Variants in SLC7A5 observed in about 807,000 individuals in gnomAD.
The protein encoded by SLC7A5 is large neutral amino acids transporter small subunit 1.
In SLC7A5, 23 loss-of-function variants were observed where a neutral mutation model predicts 50.2. The ratio of observed to expected loss-of-function variants is 0.46; its 90% CI spans 0.33 to 0.65. SLC7A5 has a LOEUF of 0.65. SLC7A5 is among the 30% of genes least tolerant of loss of function. The pLI, the probability that SLC7A5 is intolerant of heterozygous loss-of-function variation, is 0.02. For missense variants in SLC7A5, 578 were observed against 684.4 expected, an observed-to-expected ratio of 0.84 and a Z score of 1.73; for synonymous variants, 393 against 330.6, an observed-to-expected ratio of 1.19 and a Z score of -2.05.
rs2055397498 is a variant in SLC7A5 at position 87,861,488 on chromosome 16, G to A, written c.538+7397C>T. Among the ~76,000 whole-genome samples, 1 of 152,124 alleles carries A rather than the reference G, an allele frequency of 6.6e-6. No homozygotes were observed. The highest frequency in any genetic ancestry group is 2.4e-5 in the African/African-American group (1 of 41,410). ...GTGGGCACTGTGGCCCCTGGCTCCT[G>A]GCTCGCTCCTGCCTCAGTTTCCCCA... On this transcript the variant is annotated intron_variant, in intron 1 of 9. Coordinates refer to ENST00000261622, the MANE Select transcript of SLC7A5 (RefSeq NM_003486.7). This position sits in a 1 kb window ranked among gnomAD's most constrained non-coding sequence, Gnocchi z 4.2.
At chr16:87,837,692 T>G (rs2055025418) in intron 7 of SLC7A5, 153 bp downstream of exon 7, 3 of 625,766 alleles carry the variant, frequency 4.8e-6, no homozygotes, top group Non-Finnish European at 8.5e-6. Flanking sequence ...CCTCCAGCGC[T>G]CTCTGGCATT....
rs538404525 is a variant in SLC7A5, at chr16:87,852,392, A to G, written c.539-543T>C. On this transcript the variant is annotated intron_variant, in intron 1 of 9. Coordinates refer to ENST00000261622, the MANE Select transcript of SLC7A5 (RefSeq NM_003486.7). The surrounding 1 kb of genome is among the most constrained non-coding windows in gnomAD (Gnocchi z 4.5). ...GAACTACCTGGCCAGTCACCTGGGGACGGCAGCCTGGGAGGGGCCACAGGG... is the reference window on the plus strand; with the variant it reads ...GAACTACCTGGCCAGTCACCTGGGGGCGGCAGCCTGGGAGGGGCCACAGGG... 6.6e-6 allele frequency among the ~76,000 whole-genome samples: 1 copy of G among 152,174 alleles called. No homozygotes were observed. The highest frequency in any genetic ancestry group is 1.9e-4 in the East Asian group (1 of 5,182).
chr16:87,864,838 T>TA (rs1260779415), intron 1 of SLC7A5, among the ~76,000 whole-genome samples: 21 of 152,206 alleles, frequency 1.4e-4, no homozygotes, highest in African/African-American at 5.1e-4. Context: ...AAAAAGCACT[T>TA]AAACACCCAC....
rs549468764 is a variant in SLC7A5, at chr16:87,839,955, G to A, written c.816-130C>T. 5.5e-5 allele frequency: 71 copies of A among 1,280,428 alleles called. No homozygotes were observed. In the African/African-American group the frequency reaches 8.4e-4, roughly 15 times the overall value. The allele number at this position is 1,280,428 out of a possible 1,614,324, so 79.3% of individuals were successfully genotyped here. On this transcript the variant is annotated intron_variant, in intron 4 of 9. Coordinates refer to ENST00000261622, the MANE Select transcript of SLC7A5 (RefSeq NM_003486.7). ...CTGTGCTGGGCTTCTCGGGGAAGGTGGGAAGCAGCAAGAGAACACAGGCTG... is the reference window on the plus strand; with the variant it reads ...CTGTGCTGGGCTTCTCGGGGAAGGTAGGAAGCAGCAAGAGAACACAGGCTG...
chr16:87,840,319 C>T (rs1051403271), intron 4 of SLC7A5, 110 bp downstream of exon 4: 31 of 1,006,858 alleles, frequency 3.1e-5, no homozygotes, highest in Non-Finnish European at 4.6e-5. Flanking sequence ...AATCACGGCC[C>T]GACTGTGAAC....
rs2055250695 is a variant in SLC7A5 at position 87,852,676 on chromosome 16, G to GTGTGTGTGTA, written c.539-828_539-827insTACACACACA. Among the ~76,000 whole-genome samples the GTGTGTGTGTA allele has an allele frequency of 6.7e-6, 1 of 149,850 alleles. No individual in the cohort carries two copies. The highest frequency in any genetic ancestry group is 1.5e-5 in the Non-Finnish European group (1 of 67,522). ...TGTGTGTGTGTGTGTGTGTGTGTGT[G>GTGTGTGTGTA]TGTGTGTGTGTTGGGGGTTCTGTTG... On this transcript the variant is annotated intron_variant, in intron 1 of 9. Transcript: ENST00000261622. This position sits in a 1 kb window ranked among gnomAD's most constrained non-coding sequence, Gnocchi z 4.5.
rs2055500745 is a variant in SLC7A5 at position 87,869,183 on chromosome 16, G to T, written c.240C>A (p.Gly80=). 1 of 1,612,300 alleles carries T rather than the reference G, an allele frequency of 6.2e-7. No homozygotes were observed. The highest frequency in any genetic ancestry group is 8.5e-7 in the Non-Finnish European group (1 of 1,179,780). Reference sequence around the variant, plus strand: ...ACACCACCAGCGCCAGCCCCGGCGAGCCTGCCTCCTTGAGCACGCCCGTGG... The same window carrying T: ...ACACCACCAGCGCCAGCCCCGGCGATCCTGCCTCCTTGAGCACGCCCGTGG... ...VTPTGVLKEA[G]SPGLALVVWA... Residue 80 remains glycine, a synonymous_variant, in exon 1 of 10, where the codon GGC becomes GGA. Transcript: ENST00000261622.
chr16:87,859,601 C>T (rs2055363137), intron 1 of SLC7A5, among the ~76,000 whole-genome samples: 1 of 152,102 alleles, frequency 6.6e-6, no homozygotes, highest in Non-Finnish European at 1.5e-5. Flanking sequence ...CTTGTTATAC[C>T]CCCTCCCTCT....
At chr16:87,854,719 G>A (rs1259834461) in intron 1 of SLC7A5, among the ~76,000 whole-genome samples, 2 of 152,276 alleles carry the variant, frequency 1.3e-5, no homozygotes, top group Non-Finnish European at 2.9e-5. Flanking sequence ...CCGTGGCGTG[G>A]CTTGGCTTGA....
intron 8 of SLC7A5, among the ~76,000 whole-genome samples, chr16:87,836,254 C>T (rs2055001674): frequency 6.6e-6 from 1 of 152,274 alleles, no homozygotes. Flanking sequence ...CTTCCCTCCA[C>T]CCAACGGAGC....
At chr16:87,863,280 C>T (rs1220471988) in intron 1 of SLC7A5, among the ~76,000 whole-genome samples, 2 of 152,118 alleles carry the variant, frequency 1.3e-5, no homozygotes, top group East Asian at 3.9e-4. Flanking sequence ...TGTGAGTTCC[C>T]ACTTACTGAG....
chr16:87,868,386 T>C (rs1471234925), intron 1 of SLC7A5, among the ~76,000 whole-genome samples: 1 of 152,184 alleles, frequency 6.6e-6, no homozygotes, highest in East Asian at 1.9e-4. Flanking sequence ...ATGTTATTAC[T>C]ACTGTTTTCT....
intron 8 of SLC7A5, among the ~76,000 whole-genome samples, chr16:87,836,027 A>G (rs2143711943): frequency 6.6e-6 from 1 of 152,312 alleles, no homozygotes; most frequent in Admixed American, 6.5e-5. Context: ...TGGAGAAGGC[A>G]GCCCACGGAT....
intron 1 of SLC7A5, among the ~76,000 whole-genome samples, chr16:87,866,785 T>C (rs1387876154): frequency 2.0e-5 from 3 of 151,932 alleles, no homozygotes; most frequent in African/African-American, 7.3e-5. Context: ...TTTTAAATGA[T>C]GATGAATTCA....
intron 1 of SLC7A5, among the ~76,000 whole-genome samples, chr16:87,855,785 G>T (rs2065017394): frequency 6.6e-6 from 1 of 152,140 alleles, no homozygotes; most frequent in African/African-American, 2.4e-5. Context: ...GGACCTGTGG[G>T]CCCCGGCTGG....
At position 87,853,908 on chromosome 16, in the gene SLC7A5, ACGTCTGCG is replaced by A. The variant is rs2055274188; in HGVS notation, c.539-2067_539-2060del. On this transcript the variant is annotated intron_variant, in intron 1 of 9. Transcript: ENST00000261622. This position sits in a 1 kb window ranked among gnomAD's most constrained non-coding sequence, Gnocchi z 4.4. ...ACTGAGCACTGCCCTCGCGGCTGTC[ACGTCTGCG>A]GCTGTCACGTCTGCTAGGGGGTTGG... is the stretch of plus-strand genomic sequence containing the variant. The A allele has an allele frequency of 9.2e-6, 1 of 109,254 alleles. No individual in the cohort carries two copies. The highest frequency in any genetic ancestry group is 2.3e-5 in the Non-Finnish European group (1 of 44,264). 6.8% of individuals were successfully genotyped at this position (109,254 alleles called of 1,614,324 possible). A position where few individuals can be genotyped will look rare whatever the true frequency, so the allele number is the denominator to read the frequency against.
At chr16:87,840,601 G>A (rs1042054333) in intron 3 of SLC7A5, 128 bp from the exon 4 acceptor site, 6 of 804,736 alleles carry the variant, frequency 7.5e-6, no homozygotes, top group African/African-American at 1.8e-5. Flanking sequence ...GCTGGAAAGC[G>A]GACCTGGAGT....
At chr16:87,849,106 G>A (rs1014059973) in intron 2 of SLC7A5, among the ~76,000 whole-genome samples, 14 of 152,230 alleles carry the variant, frequency 9.2e-5, no homozygotes, top group African/African-American at 3.1e-4. Context: ...CTCCAGACCC[G>A]GAAAGGGCCA....
rs576077217 is a variant in SLC7A5 at position 87,862,415 on chromosome 16, G to A, written c.538+6470C>T. Among the ~76,000 whole-genome samples, 312 of 152,322 alleles carry A rather than the reference G, an allele frequency of 2.0e-3. 1 individual carries two copies. Among genetic ancestry groups the A allele is most frequent in the African/African-American group, 7.0e-3 (290 of 41,568 alleles). ...CTTACACCCTTCACCCTTTAGGGAG[G>A]GGCTCAGAGACAGTTGTGGCGATTC... On this transcript the variant is annotated intron_variant, in intron 1 of 9. Coordinates refer to ENST00000261622, the MANE Select transcript of SLC7A5 (RefSeq NM_003486.7). The surrounding 1 kb of genome is among the most constrained non-coding windows in gnomAD (Gnocchi z 5.3).
Sources: allele counts gnomAD v4.1 joint callset (sites outside exome capture counted in the v4.1 genomes callset), GRCh38; gene constraint gnomAD v4.1.1; non-coding constraint Gnocchi (gnomAD v3.1); transcripts MANE v1.5; gene names NCBI Gene and HGNC (gene_info 2026-07-23, HGNC 2026-07-21).